The following MYBPC1 variants were observed in gnomAD, a reference collection of about 807,000 sequenced individuals.
MYBPC1 encodes the protein myosin-binding protein C, slow-type.
Under a neutral mutation model 147.1 loss-of-function variants are expected in MYBPC1, and 52 were observed. That is an observed-to-expected ratio of 0.35 (90% CI 0.28 to 0.45). The LOEUF (loss-of-function observed/expected upper bound fraction) is 0.45. MYBPC1 is among the 20% of genes least tolerant of loss of function. The pLI is 1.00. For synonymous variants in MYBPC1, 477 were observed against 475.9 expected (o/e 1.00, Z -0.03); for missense variants, 1,228 against 1,440.3 (o/e 0.85, Z 2.39).
Position 101,682,606 on chromosome 12 carries a change from A to G in MYBPC1, c.3436A>G (p.Ile1146Val), listed in dbSNP as rs540879381. 1 of 1,612,458 alleles carries G rather than the reference A, an allele frequency of 6.2e-7. No homozygotes were observed. Among genetic ancestry groups the G allele is most frequent in the South Asian group, 1.1e-5 (1 of 91,036 alleles). ...GTACAAATATTCTGATTCTGCAGTG[A>G]TATATCAAGGAGTAAATACCCCTGG... The part of the protein sequence containing the change: ...EIECKLEVKV[I>V]YQGVNTPGQP... The change falls in exon 30 of 32, where the codon ATA becomes GTA. Residue 1146 changes from isoleucine (I) to valine (V), a missense_variant and splice_region_variant. Transcript: ENST00000361466.
chr12:101,678,364 G>A (rs1566013270), intron 28 of MYBPC1, 126 bp downstream of exon 28: 10 of 1,331,840 alleles, frequency 7.5e-6, no homozygotes, highest in African/African-American at 4.3e-5. Flanking sequence ...ATTAGAAGGT[G>A]GTAGTGGTGG....
chr12:101,666,593 C>T, intron 22 of MYBPC1: 1 of 757,930 alleles, frequency 1.3e-6, no homozygotes, highest in Non-Finnish European at 2.3e-6. Context: ...ACCCCCCTAA[C>T]ACCGTTTGGT....
chr12:101,675,996 C>T (rs1291204181), intron 26 of MYBPC1, among the ~76,000 whole-genome samples: 3 of 152,200 alleles, frequency 2.0e-5, no homozygotes, highest in South Asian at 2.1e-4. Context: ...TTGTCCAACC[C>T]GTGGCCCACA....
intron 10 of MYBPC1, chr12:101,636,963 A>C (rs1891111198): frequency 3.3e-6 from 1 of 301,658 alleles, no homozygotes; most frequent in Non-Finnish European, 5.7e-6. Context: ...ATGACTCTTC[A>C]CCTATTTTTT....
chr12:101,665,727 T>G (rs1039326542), intron 22 of MYBPC1, among the ~76,000 whole-genome samples: 1 of 152,224 alleles, frequency 6.6e-6, no homozygotes, highest in African/African-American at 2.4e-5. Flanking sequence ...TGTTTTCTCT[T>G]GAAATTGTCT....
At chr12:101,667,175 A>G (rs1170583788) in intron 22 of MYBPC1, among the ~76,000 whole-genome samples, 1 of 152,342 alleles carries the variant, frequency 6.6e-6, no homozygotes, top group African/African-American at 2.4e-5. Flanking sequence ...TCAGCCCATG[A>G]ACTGTTTTCT....
chr12:101,665,332 G>A (rs1053737299), intron 22 of MYBPC1, among the ~76,000 whole-genome samples: 1 of 152,080 alleles, frequency 6.6e-6, no homozygotes, highest in Admixed American at 6.5e-5. Context: ...TTATGTGGCT[G>A]CCGACTCTTC....
chr12:101,677,169 C>A, intron 26 of MYBPC1, 66 bp from the exon 27 acceptor site: 2 of 1,510,636 alleles, frequency 1.3e-6, no homozygotes, highest in Non-Finnish European at 1.8e-6. Flanking sequence ...TTATCCCAAT[C>A]TACAGTTAGA....
chr12:101,633,185 T>C (rs1444256407), intron 8 of MYBPC1, among the ~76,000 whole-genome samples: 1 of 152,012 alleles, frequency 6.6e-6, no homozygotes, highest in Admixed American at 6.6e-5. Context: ...TCTTCTCGAG[T>C]AGAGTAACCA....
intron 1 of MYBPC1, among the ~76,000 whole-genome samples, chr12:101,595,582 A>AT (rs1565864143): frequency 6.6e-6 from 1 of 152,212 alleles, no homozygotes; most frequent in East Asian, 1.9e-4. Context: ...TAATGGAAAC[A>AT]TATTTAAAAT....
intron 1 of MYBPC1, among the ~76,000 whole-genome samples, chr12:101,607,759 C>T (rs752599229): frequency 2.6e-5 from 4 of 152,012 alleles, no homozygotes; most frequent in Non-Finnish European, 5.9e-5. Context: ...TGAGACAGCC[C>T]ACGGGAAGAA....
At chr12:101,629,357 GAAC>G in intron 5 of MYBPC1, 74 bp from the exon 6 acceptor site, 1 of 983,594 alleles carries the variant, frequency 1.0e-6, no homozygotes, top group South Asian at 1.3e-5. Flanking sequence ...GCGTTGGTGA[GAAC>G]AACAAATCCA....
At position 101,652,993 on chromosome 12, in the gene MYBPC1, C is replaced by T. The variant is rs1001655010; in HGVS notation, c.1634-122C>T. 3.7e-6 allele frequency: 5 copies of T among 1,353,016 alleles called. No homozygotes were observed. The Admixed American group carries it at 7.6e-5, about 21-fold the overall frequency. The allele number at this position is 1,353,016 out of a possible 1,614,324, so 83.8% of individuals were successfully genotyped here. A position where few individuals can be genotyped will look rare whatever the true frequency, so the allele number is the denominator to read the frequency against. On this transcript the variant is annotated intron_variant, in intron 17 of 31. Coordinates refer to ENST00000361466, the MANE Select transcript of MYBPC1 (RefSeq NM_002465.4). ...GTGCCAGGCACCAACTATCTTGACT[C>T]CTCTTATATTCTTTTTGATTAGATA...
chr12:101,678,720 C>A (rs1900656208), intron 28 of MYBPC1, among the ~76,000 whole-genome samples: 1 of 152,168 alleles, frequency 6.6e-6, no homozygotes, highest in Admixed American at 6.5e-5. Context: ...AGAAAGGTTT[C>A]AAGGTTTCAT....
chr12:101,598,163 G>A (rs1031629688), intron 1 of MYBPC1, among the ~76,000 whole-genome samples: 16 of 151,850 alleles, frequency 1.1e-4, no homozygotes, highest in Non-Finnish European at 2.1e-4. Flanking sequence ...GGGATTACAG[G>A]TGCCCACCAA....
At chr12:101,692,250 A>C in the MYBPC1 span, among the ~76,000 whole-genome samples, 1 of 152,182 alleles carries the variant, frequency 6.6e-6, no homozygotes, top group Non-Finnish European at 1.5e-5. Context: ...GAACAAGGGA[A>C]TATTTTATTA....
intron 18 of MYBPC1, among the ~76,000 whole-genome samples, chr12:101,657,769 A>G (rs9804834): frequency 0.41 from 61,597 of 152,088 alleles, 13,026 homozygotes; most frequent in Admixed American, 0.55. Context: ...AACATTTAAG[A>G]AAGAAATTGT....
At chr12:101,607,075 C>T (rs1300078665) in intron 1 of MYBPC1, among the ~76,000 whole-genome samples, 1 of 152,136 alleles carries the variant, frequency 6.6e-6, no homozygotes, top group Non-Finnish European at 1.5e-5. Flanking sequence ...ATTCGATCTG[C>T]CCCCCAAAGT....
chr12:101,691,710 G>A, the MYBPC1 span, among the ~76,000 whole-genome samples: 41 of 152,352 alleles, frequency 2.7e-4, no homozygotes, highest in African/African-American at 8.4e-4. Context: ...GGAGGAGGCT[G>A]TGTGAAGGGC....
Sources: gnomAD v4.1 joint callset for allele counts (sites outside exome capture counted in the v4.1 genomes callset) on GRCh38, gnomAD v4.1.1 for gene constraint, MANE v1.5 for transcripts, NCBI Gene and HGNC (gene_info 2026-07-23, HGNC 2026-07-21) for gene names.